ENOX2: variants seen among roughly 807,000 people sequenced by gnomAD.
The protein encoded by ENOX2 is APK1 antigen.
ENOX2 carries 36 observed loss-of-function variants against 45.0 expected under a neutral mutation model. The observed-to-expected ratio is 0.80, with a 90% CI of 0.61 to 1.06. The LOEUF is 1.06. Among genes scored for constraint, ENOX2 ranks in the 50% least tolerant of loss-of-function variants. The pLI, the probability that ENOX2 is intolerant of heterozygous loss-of-function variation, is 0.00. For synonymous variants in ENOX2, 174 were observed against 152.3 expected (o/e 1.14, Z -1.05); for missense variants, 423 against 462.5 (o/e 0.91, Z 0.78).
rs1233793095 is a variant in ENOX2, at chrX:130,635,073, C to T, written c.1330G>A (p.Glu444Lys). ...TCAGCTTCTTTCTTTTTGTATTCCT[C>T]TTGGACTTTGAGTAGATGCTACAAG... ...GMQQHLLKVQ[E>K]EYKKKEAELE... The change falls in exon 12 of 15, where the codon GAG becomes AAG. Residue 444 changes from glutamate (E) to lysine (K), a missense_variant. This residue lies in a region of ENOX2 where 108 missense variants were observed against 70.6 expected (regional missense o/e 1.53). Coordinates refer to ENST00000394363, the MANE Select transcript of ENOX2 (RefSeq NM_006375.4). 1.7e-6 allele frequency: 2 copies of T among 1,157,573 alleles called. No homozygotes were observed.
At chrX:130,714,570 AAAC>A (rs1225369454) in intron 3 of ENOX2, among the ~76,000 whole-genome samples, 6 of 111,728 alleles carry the variant, frequency 5.4e-5, no homozygotes, top group Admixed American at 9.5e-5. Context: ...GTGGTGGTGA[AAAC>A]AACATAGGTA....
intron 14 of ENOX2, among the ~76,000 whole-genome samples, chrX:130,627,327 T>G (rs2035572485): frequency 8.9e-6 from 1 of 112,125 alleles, no homozygotes; most frequent in South Asian, 3.7e-4. Flanking sequence ...ATGCCTGTAA[T>G]CCCAGCACTT....
intron 2 of ENOX2, among the ~76,000 whole-genome samples, chrX:130,889,775 G>C (rs1374370581): frequency 1.8e-5 from 2 of 112,395 alleles, no homozygotes; most frequent in East Asian, 5.6e-4. Context: ...ACTGCTTAGG[G>C]AAACAGTCAA....
chrX:130,720,135 C>T (rs935329333), intron 3 of ENOX2, among the ~76,000 whole-genome samples: 1 of 112,395 alleles, frequency 8.9e-6, no homozygotes, highest in Admixed American at 9.4e-5. Flanking sequence ...TAATGGGTGG[C>T]TTGGTGGCTA....
At position 130,854,895 on chromosome X, in the gene ENOX2, T is replaced by G. The variant is rs7052540; in HGVS notation, c.-183+46789A>C. On this transcript the variant is annotated intron_variant, in intron 2 of 14. Coordinates refer to ENST00000394363, the MANE Select transcript of ENOX2 (RefSeq NM_006375.4). ...ACAATAAAATGTCTCGGAAAACTTA[T>G]GAATAGAGGGGGAACTTCCTCAACT... Among the ~76,000 whole-genome samples the G allele has an allele frequency of 9.1e-3, 1,010 of 111,544 alleles. 11 individuals are homozygous for G. Among genetic ancestry groups the G allele is most frequent in the African/African-American group, 0.031 (952 of 30,743 alleles).
chrX:130,701,067 T>A (rs2037885686), intron 4 of ENOX2, among the ~76,000 whole-genome samples: 1 of 112,180 alleles, frequency 8.9e-6, no homozygotes, highest in African/African-American at 3.2e-5. Context: ...AGGCCTTTCT[T>A]TTCCATGTTA....
chrX:130,718,780 C>T (rs917749944), intron 3 of ENOX2, among the ~76,000 whole-genome samples: 1 of 111,485 alleles, frequency 9.0e-6, no homozygotes, highest in Non-Finnish European at 1.9e-5. Context: ...AGCTTCCCCC[C>T]GCATCCCCCG....
chrX:130,651,263 G>A (rs2036391797), intron 10 of ENOX2, among the ~76,000 whole-genome samples: 1 of 111,846 alleles, frequency 8.9e-6, no homozygotes, highest in Non-Finnish European at 1.9e-5. Flanking sequence ...CAGCATGGAT[G>A]CACCTGGAAC....
intron 2 of ENOX2, among the ~76,000 whole-genome samples, chrX:130,806,303 C>A (rs974622340): frequency 1.8e-5 from 2 of 112,008 alleles, no homozygotes; most frequent in Non-Finnish European, 3.8e-5. Flanking sequence ...AGAATTTGTA[C>A]CACTGACTTA....
chrX:130,832,071 TA>T (rs1415033903), intron 2 of ENOX2, among the ~76,000 whole-genome samples: 17 of 106,153 alleles, frequency 1.6e-4, no homozygotes, highest in East Asian at 2.9e-4. Flanking sequence ...CTGTCTGAAT[TA>T]AAAAAAAAAA....
At chrX:130,640,457 G>T (rs2036049727) in intron 10 of ENOX2, among the ~76,000 whole-genome samples, 1 of 112,161 alleles carries the variant, frequency 8.9e-6, no homozygotes, top group Non-Finnish European at 1.9e-5. Flanking sequence ...GCATGAGTAT[G>T]TTCACTGCAG....
intron 3 of ENOX2, among the ~76,000 whole-genome samples, chrX:130,734,263 TAG>T (rs2038809410): frequency 8.9e-6 from 1 of 111,910 alleles, no homozygotes. Context: ...GGCTCTGGGT[TAG>T]AGTCAGAACT....
intron 2 of ENOX2, among the ~76,000 whole-genome samples, chrX:130,788,767 T>G (rs1208140369): frequency 1.8e-5 from 2 of 112,143 alleles, no homozygotes; most frequent in African/African-American, 6.5e-5. Flanking sequence ...GTTCATTTGT[T>G]TCCCTCACAT....
intron 2 of ENOX2, among the ~76,000 whole-genome samples, chrX:130,842,578 C>T (rs1239196648): frequency 9.0e-6 from 1 of 111,626 alleles, no homozygotes; most frequent in Non-Finnish European, 1.9e-5. Flanking sequence ...TTTACAACAA[C>T]CCTTTCAAAG....
At chrX:130,667,933 G>A (rs755738630) in intron 7 of ENOX2, among the ~76,000 whole-genome samples, 191 bp from the exon 8 acceptor site, 59 of 111,110 alleles carry the variant, frequency 5.3e-4, no homozygotes, top group African/African-American at 1.8e-3. Context: ...AGAATGGAAG[G>A]ATCAATGTAG....
intron 3 of ENOX2, among the ~76,000 whole-genome samples, chrX:130,766,231 C>A (rs946410378): frequency 9.0e-6 from 1 of 111,501 alleles, no homozygotes. Flanking sequence ...AACAAGCTAA[C>A]TGGCCAAATG....
At chrX:130,870,290 T>C (rs1456598021) in intron 2 of ENOX2, among the ~76,000 whole-genome samples, 1 of 112,004 alleles carries the variant, frequency 8.9e-6, no homozygotes, top group East Asian at 2.8e-4. Flanking sequence ...AAGAAACAAC[T>C]GTAAGTCACT....
At chrX:130,836,964 T>G (rs1276807101) in intron 2 of ENOX2, among the ~76,000 whole-genome samples, 1 of 111,726 alleles carries the variant, frequency 9.0e-6, no homozygotes, top group Non-Finnish European at 1.9e-5. Flanking sequence ...CACAGATGGC[T>G]TTTTTAGTTG....
At position 130,750,088 on chromosome X, in the gene ENOX2, T is replaced by C. The variant is rs1448634431; in HGVS notation, c.-39+33459A>G. 5.4e-5 allele frequency among the ~76,000 whole-genome samples: 6 copies of C among 110,909 alleles called. No individual in the cohort carries two copies. In the Admixed American group the frequency reaches 5.8e-4, roughly 11 times the overall value. The stretch of plus-strand genomic sequence containing the variant: ...GTCTGCATCTCACTCTGTCTGTCTA[T>C]CTGTCTCTGACCAACGGCTTCTGAC... On this transcript the variant is annotated intron_variant, in intron 3 of 14. Transcript: ENST00000394363.
Sources: allele counts gnomAD v4.1 joint callset (sites outside exome capture counted in the v4.1 genomes callset), GRCh38; gene constraint gnomAD v4.1.1; regional missense constraint gnomAD v4.1.1; transcripts MANE v1.5; gene names NCBI Gene and HGNC (gene_info 2026-07-23, HGNC 2026-07-21).